The following HACD2 variants were observed in gnomAD, a reference collection of about 807,000 sequenced individuals.
HACD2 encodes the protein very-long-chain (3R)-3-hydroxyacyl-CoA dehydratase 2.
Under a neutral mutation model 31.0 loss-of-function variants are expected in HACD2, and 15 were observed. That is an observed-to-expected ratio of 0.48 (90% confidence interval 0.32 to 0.75). The LOEUF is 0.75. Ranked by LOEUF, HACD2 falls within the 30% of genes least tolerant of loss-of-function variation. HACD2 has a pLI of 0.03. For missense variants in HACD2, 283 were observed against 313.0 expected (o/e 0.90, Z 0.72); for synonymous variants, 115 against 122.2 (o/e 0.94, Z 0.39).
At chr3:123,520,157 C>G (rs1227569776) in intron 4 of HACD2, among the ~76,000 whole-genome samples, 2 of 152,180 alleles carry the variant, frequency 1.3e-5, no homozygotes, top group East Asian at 3.9e-4. Context: ...ATGAGGAGAA[C>G]ACCATCAACA....
chr3:123,544,993 G>A (rs2056539775), intron 3 of HACD2, among the ~76,000 whole-genome samples: 1 of 130,250 alleles, frequency 7.7e-6, no homozygotes. Flanking sequence ...AGGATTGCTT[G>A]AGCCCAGGAG....
At chr3:123,496,252 G>A (rs772867827) in intron 6 of HACD2, among the ~76,000 whole-genome samples, 9 of 152,150 alleles carry the variant, frequency 5.9e-5, no homozygotes, top group Non-Finnish European at 1.0e-4. Context: ...GGAACCCCTG[G>A]GGTCAAGGGG....
chr3:123,540,309 T>C (rs376472110), intron 3 of HACD2, among the ~76,000 whole-genome samples: 1 of 152,212 alleles, frequency 6.6e-6, no homozygotes, highest in African/African-American at 2.4e-5. Context: ...TAAAAAATAA[T>C]AAATTGGTTT....
chr3:123,538,466 T>G (rs2107716652), intron 3 of HACD2, among the ~76,000 whole-genome samples: 1 of 152,306 alleles, frequency 6.6e-6, no homozygotes, highest in South Asian at 2.1e-4. Flanking sequence ...AGGAGAAACA[T>G]AAGAAATCAA....
At chr3:123,553,801 C>A (rs1040551798) in intron 3 of HACD2, among the ~76,000 whole-genome samples, 3 of 151,966 alleles carry the variant, frequency 2.0e-5, no homozygotes, top group Non-Finnish European at 4.4e-5. Flanking sequence ...AGTAATATGG[C>A]AATATATTTG....
In HACD2 at chr3:123,494,647, T is replaced by TCCG. The variant is rs2055810833; in HGVS notation, c.*240_*241insCGG. 7.7e-6 allele frequency: 4 copies of TCCG among 520,640 alleles called. No individual in the cohort carries two copies. In the African/African-American group the frequency reaches 7.8e-5, roughly 10 times the overall value. The allele number at this position is 520,640 out of a possible 1,614,324, so 32.3% of individuals were successfully genotyped here. A position where few individuals can be genotyped will look rare whatever the true frequency, so the allele number is the denominator to read the frequency against. On this transcript the variant is annotated 3_prime_UTR_variant, in exon 7 of 7. Coordinates refer to ENST00000383657, the MANE Select transcript of HACD2 (RefSeq NM_198402.5). ...CCCTTTCTAGTGCCATCATAAATAT[T>TCCG]AAGAACTTCTGGTTGAAAGAGCATG...
At chr3:123,532,941 C>G (rs2056382120) in intron 3 of HACD2, among the ~76,000 whole-genome samples, 1 of 151,462 alleles carries the variant, frequency 6.6e-6, no homozygotes, top group Admixed American at 6.6e-5. Flanking sequence ...CTCAAAGCCT[C>G]TCATACAGGT....
intron 6 of HACD2, among the ~76,000 whole-genome samples, chr3:123,496,849 C>T (rs1026713760): frequency 1.3e-5 from 2 of 152,204 alleles, no homozygotes; most frequent in African/African-American, 4.8e-5. Context: ...AGTCTCACAG[C>T]TGGTTCAGAG....
chr3:123,509,191 T>C (rs2056018188), intron 4 of HACD2, among the ~76,000 whole-genome samples: 1 of 152,030 alleles, frequency 6.6e-6, no homozygotes, highest in Non-Finnish European at 1.5e-5. Flanking sequence ...TGTTGTAATA[T>C]ATTCATCATT....
chr3:123,561,987 C>CT (rs1576229685), intron 3 of HACD2, among the ~76,000 whole-genome samples: 4 of 151,982 alleles, frequency 2.6e-5, no homozygotes. Context: ...AATTTTTGTA[C>CT]TTTTTGTAGA....
chr3:123,541,953 C>T (rs4678040), intron 3 of HACD2, among the ~76,000 whole-genome samples: 5,812 of 151,426 alleles, frequency 0.038, 690 homozygotes, highest in East Asian at 0.35. Context: ...CGAGACCATC[C>T]CGGCTAAAAC....
intron 3 of HACD2, among the ~76,000 whole-genome samples, chr3:123,531,034 A>G (rs1490943301): frequency 1.3e-5 from 2 of 151,344 alleles, no homozygotes; most frequent in African/African-American, 4.9e-5. Context: ...TGCCCAGTTC[A>G]TTTTTGTGGT....
intron 3 of HACD2, 58 bp downstream of exon 3, chr3:123,567,704 T>C (rs1034894564): frequency 2.8e-6 from 3 of 1,085,238 alleles, no homozygotes; most frequent in Non-Finnish European, 2.5e-6. Context: ...CTATCATCTA[T>C]GACTTTTTAA....
At chr3:123,556,959 T>C (rs1367528166) in intron 3 of HACD2, among the ~76,000 whole-genome samples, 1 of 152,188 alleles carries the variant, frequency 6.6e-6, no homozygotes, top group East Asian at 1.9e-4. Flanking sequence ...TGACTAAAAT[T>C]AAAAATTTCT....
intron 4 of HACD2, among the ~76,000 whole-genome samples, chr3:123,507,998 T>TAAA (rs1173913083): frequency 1.4e-5 from 2 of 146,758 alleles, no homozygotes; most frequent in African/African-American, 4.9e-5. Flanking sequence ...CCCCCTCTCT[T>TAAA]AAAAAAAGAA....
At chr3:123,509,689 T>A (rs1031949556) in intron 4 of HACD2, among the ~76,000 whole-genome samples, 1 of 151,858 alleles carries the variant, frequency 6.6e-6, no homozygotes, top group Non-Finnish European at 1.5e-5. Flanking sequence ...TTAGTAGAGA[T>A]GGGGTTTCAC....
chr3:123,516,542 A>T lies in HACD2; in HGVS notation c.381+11844T>A, dbSNP rs193247279. 3.7e-3 allele frequency among the ~76,000 whole-genome samples: 560 copies of T among 152,158 alleles called. 3 individuals are homozygous for T. Among genetic ancestry groups the T allele is most frequent in the African/African-American group, 0.012 (517 of 41,524 alleles). ...TGCCACCATACCCGGCCAGATTTTTAAAAAAATCCTACAGTGACAAAGGAA... is the reference window on the plus strand; with the variant it reads ...TGCCACCATACCCGGCCAGATTTTTTAAAAAATCCTACAGTGACAAAGGAA... On this transcript the variant is annotated intron_variant, in intron 4 of 6. Transcript: ENST00000383657.
intron 3 of HACD2, among the ~76,000 whole-genome samples, chr3:123,563,986 A>G (rs568131779): frequency 2.0e-5 from 3 of 152,366 alleles, no homozygotes; most frequent in African/African-American, 7.2e-5. Context: ...GGATGAAGAA[A>G]CAAGACAACC....
In HACD2 at chr3:123,556,854, T is replaced by C. The variant is rs577113396; in HGVS notation, c.292+10908A>G. Among the ~76,000 whole-genome samples the C allele has an allele frequency of 4.6e-5, 7 of 152,332 alleles. No individual in the cohort carries two copies. In the East Asian group the frequency reaches 1.2e-3, roughly 25 times the overall value. ...AATGAGCATATGAAAAGATGTGCCA[T>C]AGCATTTGTCATTAGAGAAATAAAA... On this transcript the variant is annotated intron_variant, in intron 3 of 6. Transcript: ENST00000383657.
Sources: allele counts gnomAD v4.1 joint callset (sites outside exome capture counted in the v4.1 genomes callset), GRCh38; gene constraint gnomAD v4.1.1; transcripts MANE v1.5; gene names NCBI Gene and HGNC (gene_info 2026-07-23, HGNC 2026-07-21).